Variants in ZGLP1 observed in about 807,000 individuals in gnomAD.
ZGLP1 encodes GATA-type zinc finger protein 1.
A neutral mutation model predicts 21.4 loss-of-function variants in ZGLP1; 11 were observed. The ratio of observed to expected loss-of-function variants is 0.51; its 90% CI spans 0.32 to 0.85. ZGLP1 has a LOEUF of 0.85. Among genes scored for constraint, ZGLP1 ranks in the 40% least tolerant of loss-of-function variants. ZGLP1 has a pLI of 0.03. For missense variants in ZGLP1, 295 were observed against 355.6 expected (o/e 0.83, Z 1.37); for synonymous variants, 148 against 145.0 (o/e 1.02, Z -0.15).
In ZGLP1 at chr19:10,305,592, G is replaced by T; in HGVS notation, c.605-109C>A. ...GGGGTCTCAGTAAAGGCCCCACCTAGCTCTGGATCAGCCCTGGGAGTTGCC... is the reference window on the plus strand; with the variant it reads ...GGGGTCTCAGTAAAGGCCCCACCTATCTCTGGATCAGCCCTGGGAGTTGCC... On this transcript the variant is annotated intron_variant, in intron 2 of 3. Coordinates refer to ENST00000403903, the Ensembl canonical transcript of ZGLP1. This position sits in a 1 kb window ranked among gnomAD's most constrained non-coding sequence, Gnocchi z 4.7. The T allele has an allele frequency of 1.0e-6, 1 of 969,224 alleles. No individual in the cohort carries two copies. The highest frequency in any genetic ancestry group is 1.6e-6 in the Non-Finnish European group (1 of 632,242). The allele number at this position is 969,224 out of a possible 1,614,324, so 60.0% of individuals were successfully genotyped here.
Position 10,305,810 on chromosome 19 carries a change from C to A in ZGLP1, c.604+36G>T. The A allele has an allele frequency of 2.0e-6, 3 of 1,513,228 alleles. No individual in the cohort carries two copies. The highest frequency in any genetic ancestry group is 2.7e-6 in the Non-Finnish European group (3 of 1,112,000). The allele number at this position is 1,513,228 out of a possible 1,614,324, so 93.7% of individuals were successfully genotyped here. On this transcript the variant is annotated intron_variant, in intron 2 of 3. Coordinates refer to ENST00000403903, the Ensembl canonical transcript of ZGLP1. This position sits in a 1 kb window ranked among gnomAD's most constrained non-coding sequence, Gnocchi z 4.7. ...GCAGGGAAGACAGGAAATTGGCCCC[C>A]AAAATATTTATAGCTCTTGGGTTTT... is the stretch of plus-strand genomic sequence containing the variant.
chr19:10,308,557 A>G lies in ZGLP1; in HGVS notation c.125T>C (p.Leu42Pro). ...GCATGCAGGCCAGAGGGACCTGGGGAGAAGGGCAGTGGGGTCACGTTTTCT... is the reference window on the plus strand; with the variant it reads ...GCATGCAGGCCAGAGGGACCTGGGGGGAAGGGCAGTGGGGTCACGTTTTCT... Residue 42 changes from leucine to proline, a missense_variant, in exon 1 of 4, where the codon CTC (leucine) becomes CCC (proline). Transcript: ENST00000403903. 1 of 1,601,584 alleles carries G rather than the reference A, an allele frequency of 6.2e-7. No homozygotes were observed. The highest frequency in any genetic ancestry group is 1.7e-5 in the Admixed American group (1 of 58,298).
Position 10,305,425 on chromosome 19 carries a change from T to C in ZGLP1, c.663A>G (p.Glu221=). The change falls in exon 3 of 4, where the codon GAA becomes GAG. Residue 221 remains glutamate (E), a synonymous_variant. Coordinates refer to ENST00000403903, the Ensembl canonical transcript of ZGLP1. This position sits in a 1 kb window ranked among gnomAD's most constrained non-coding sequence, Gnocchi z 4.7. ...AGGCGTTGCAGAGAGGGGTCCCATC[T>C]TCAGCGTCTCTCCAGAGCGGGGTCC... The C allele has an allele frequency of 6.2e-7, 1 of 1,601,134 alleles. No homozygotes were observed. The highest frequency in any genetic ancestry group is 8.5e-7 in the Non-Finnish European group (1 of 1,173,816).
Position 10,305,312 on chromosome 19 carries a change from T to C in ZGLP1, c.698+78A>G. The C allele has an allele frequency of 6.4e-7, 1 of 1,551,132 alleles. No homozygotes were observed. The highest frequency in any genetic ancestry group is 8.8e-7 in the Non-Finnish European group (1 of 1,137,186). The stretch of plus-strand genomic sequence containing the variant: ...AAGAGGTAGGTGTTTTGCTTTTTGC[T>C]TTCCCCACAGGCCATCCTGGTTACA... On this transcript the variant is annotated intron_variant, in intron 3 of 3. Transcript: ENST00000403903. The surrounding 1 kb of genome is among the most constrained non-coding windows in gnomAD (Gnocchi z 4.7).
Position 10,308,455 on chromosome 19 carries a change from G to A in ZGLP1, c.227C>T (p.Pro76Leu), listed in dbSNP as rs750031649. 21 of 1,609,958 alleles carry A rather than the reference G, an allele frequency of 1.3e-5. No homozygotes were observed. Among genetic ancestry groups the A allele is most frequent in the Middle Eastern group, 1.6e-4 (1 of 6,076 alleles). ...CGGGTCCCAGCAAGGCCCCAGGACC[G>A]GGGTGTCCTGGGCAGGGGACTGACC... is the stretch of plus-strand genomic sequence containing the variant. Residue 76 changes from proline (P) to leucine (L), a missense_variant, in exon 1 of 4, where the codon CCG (proline) becomes CTG (leucine). Physicochemically the swap from Pro to Leu is moderately conservative, Grantham distance 98. Transcript: ENST00000403903.
At chr19:10,308,629 G>A (rs139526971) in exon 1 of ZGLP1, 7 of 1,528,910 alleles carry the variant, frequency 4.6e-6, no homozygotes, top group South Asian at 2.6e-5. Flanking sequence ...AACTTGGGCC[G>A]GCTCTTTGTG....
chr19:10,308,559 A>G lies in ZGLP1; in HGVS notation c.123T>C (p.Leu41=). 6.2e-7 allele frequency: 1 copy of G among 1,601,326 alleles called. No individual in the cohort carries two copies. The highest frequency in any genetic ancestry group is 8.5e-7 in the Non-Finnish European group (1 of 1,172,344). ...ATGCAGGCCAGAGGGACCTGGGGAG[A>G]AGGGCAGTGGGGTCACGTTTTCTTG... Residue 41 remains leucine (L), a synonymous_variant, in exon 1 of 4, where the codon CTT becomes CTC. Coordinates refer to ENST00000403903, the Ensembl canonical transcript of ZGLP1.
chr19:10,307,576 G>A (rs1480685191), intron 1 of ZGLP1, among the ~76,000 whole-genome samples: 1 of 150,130 alleles, frequency 6.7e-6, no homozygotes, highest in Non-Finnish European at 1.5e-5. Context: ...GTGAGGTGGC[G>A]CTATCTCTGC....
chr19:10,305,481 G>A lies in ZGLP1; in HGVS notation c.607C>T (p.Pro203Ser), dbSNP rs1481596372. Reference sequence around the variant, plus strand: ...GTCCGACAGGAAGCACAGCGCCGGGGCTCTGAAGGGTCAGAGGTCAAAGGG... The same window carrying A: ...GTCCGACAGGAAGCACAGCGCCGGGACTCTGAAGGGTCAGAGGTCAAAGGG... Residue 203 changes from proline (P) to serine (S), a missense_variant and splice_region_variant, in exon 3 of 4, where the codon CCC (proline) becomes TCC (serine). Around this residue, in one of 2 missense-constraint regions of ZGLP1, gnomAD observed 252 missense variants for 264.0 expected, o/e 0.95. Coordinates refer to ENST00000403903, the Ensembl canonical transcript of ZGLP1. The surrounding 1 kb of genome is among the most constrained non-coding windows in gnomAD (Gnocchi z 4.7). The A allele has an allele frequency of 2.5e-6, 4 of 1,592,464 alleles. No homozygotes were observed. The highest frequency in any genetic ancestry group is 2.7e-5 in the African/African-American group (2 of 74,620).
At chr19:10,304,984 G>T in exon 4 of ZGLP1, 1 of 844,830 alleles carries the variant, frequency 1.2e-6, no homozygotes. Context: ...TGGCAGAGAG[G>T]AGGCAGGCCG....
exon 1 of ZGLP1, chr19:10,308,951 G>C (rs1488188773): frequency 6.6e-6 from 2 of 303,030 alleles, no homozygotes; most frequent in African/African-American, 2.1e-5. Flanking sequence ...GCGTGATCAG[G>C]ACTCAGTGCA....
At chr19:10,306,208 G>A (rs542173484) in intron 1 of ZGLP1, among the ~76,000 whole-genome samples, 1 of 151,844 alleles carries the variant, frequency 6.6e-6, no homozygotes, top group South Asian at 2.1e-4. Flanking sequence ...CACCTCCCGG[G>A]TTCAAGCAAT....
rs145740829 is a variant in ZGLP1 at position 10,304,922 on chromosome 19, G to A, written c.*169C>T. 6.5e-6 allele frequency: 4 copies of A among 618,926 alleles called. No individual in the cohort carries two copies. The African/African-American group carries it at 7.4e-5, about 11-fold the overall frequency. 38.3% of individuals were successfully genotyped at this position (618,926 alleles called of 1,614,324 possible). ...GAGAAGGGGCTGGTGACCCCTAGCAGGCTCTGCCACCTGAGGCCTGGGTCT... is the reference window on the plus strand; with the variant it reads ...GAGAAGGGGCTGGTGACCCCTAGCAAGCTCTGCCACCTGAGGCCTGGGTCT... On this transcript the variant is annotated 3_prime_UTR_variant, in exon 4 of 4. Transcript: ENST00000403903.
At chr19:10,306,658 C>CA (rs1191597922) in intron 1 of ZGLP1, among the ~76,000 whole-genome samples, 2 of 151,032 alleles carry the variant, frequency 1.3e-5, no homozygotes, top group Non-Finnish European at 1.5e-5. Flanking sequence ...TCTCTACAAA[C>CA]AAAAAAAATA....
intron 1 of ZGLP1, among the ~76,000 whole-genome samples, chr19:10,307,984 A>C (rs552876230): frequency 6.6e-6 from 1 of 152,246 alleles, no homozygotes; most frequent in East Asian, 1.9e-4. Flanking sequence ...CAGGTCTCAC[A>C]TTGGGAGTGG....
At chr19:10,308,503 A>G in exon 1 of ZGLP1, 1 of 1,610,930 alleles carries the variant, frequency 6.2e-7, no homozygotes, top group Non-Finnish European at 8.5e-7. Flanking sequence ...TGTCTCTTGG[A>G]GGAAGCACAG....
At chr19:10,308,815 C>A in exon 1 of ZGLP1, 1 of 774,558 alleles carries the variant, frequency 1.3e-6, no homozygotes, top group South Asian at 4.7e-5. Flanking sequence ...CAGGCAGGGA[C>A]CGCCCTAGGT....
intron 1 of ZGLP1, among the ~76,000 whole-genome samples, chr19:10,307,381 GCT>G (rs1019898477): frequency 2.9e-5 from 4 of 140,160 alleles, no homozygotes; most frequent in Non-Finnish European, 6.1e-5. Context: ...ATGGAGTCTT[GCT>G]CTGTCACCCA....
At chr19:10,308,542 C>A in exon 1 of ZGLP1, 1 of 1,605,958 alleles carries the variant, frequency 6.2e-7, no homozygotes, top group Non-Finnish European at 8.5e-7. Flanking sequence ...GCATGCAGGC[C>A]AGAGGGACCT....
Sources: gnomAD v4.1 joint callset for allele counts (sites outside exome capture counted in the v4.1 genomes callset) on GRCh38, gnomAD v4.1.1 for gene constraint, gnomAD v4.1.1 regional missense constraint, Gnocchi (gnomAD v3.1) non-coding constraint, MANE v1.5 for transcripts, NCBI Gene and HGNC (gene_info 2026-07-23, HGNC 2026-07-21) for gene names.